The following TTC23 variants were observed in gnomAD, a reference collection of about 807,000 sequenced individuals.
TTC23 encodes the protein tetratricopeptide repeat domain 23, also known as tetratricopeptide repeat protein 23.
Under a neutral mutation model 55.1 loss-of-function variants are expected in TTC23, and 58 were observed. The observed-to-expected ratio is 1.05, with a 90% CI of 0.85 to 1.31. TTC23 has a LOEUF of 1.31. Among genes scored for constraint, TTC23 ranks in the 50% most tolerant of loss-of-function variants. TTC23 has a pLI of 0.00. For synonymous variants in TTC23, 203 were observed against 199.9 expected, an observed-to-expected ratio of 1.02 and a Z score of -0.13; for missense variants, 516 against 534.4, an observed-to-expected ratio of 0.97 and a Z score of 0.34.
chr15:99,138,243 G>A, intron 13 of TTC23, 116 bp from the exon 14 acceptor site: 2 of 1,269,424 alleles, frequency 1.6e-6, no homozygotes, highest in Non-Finnish European at 2.2e-6. Context: ...GACTTGGTAG[G>A]GGCTATAAAT....
At chr15:99,225,870 C>T (rs540652703) in intron 5 of TTC23, among the ~76,000 whole-genome samples, 3 of 152,182 alleles carry the variant, frequency 2.0e-5, no homozygotes, top group African/African-American at 7.2e-5. Flanking sequence ...AGCACCTTAA[C>T]CAAGTGTTCA....
At chr15:99,150,202 T>C (rs2069514581) in intron 12 of TTC23, among the ~76,000 whole-genome samples, 1 of 152,216 alleles carries the variant, frequency 6.6e-6, no homozygotes, top group Non-Finnish European at 1.5e-5. Context: ...ACTCAGTTCA[T>C]CTCATTCGAT....
chr15:99,216,286 G>A (rs2077469047), intron 8 of TTC23, among the ~76,000 whole-genome samples: 1 of 152,134 alleles, frequency 6.6e-6, no homozygotes. Flanking sequence ...ATGGAGTAGA[G>A]TTAAAGTAGG....
chr15:99,221,641 A>C, intron 6 of TTC23, 100 bp downstream of exon 6: 1 of 1,451,184 alleles, frequency 6.9e-7, no homozygotes, highest in Non-Finnish European at 9.4e-7. Context: ...AGAAAGGAGA[A>C]TATTAAAAAA....
intron 9 of TTC23, among the ~76,000 whole-genome samples, chr15:99,191,795 G>A (rs2075272451): frequency 6.6e-6 from 1 of 152,208 alleles, no homozygotes; most frequent in Admixed American, 6.5e-5. Context: ...CTTTGGAACT[G>A]GGTAACAGGC....
intron 10 of TTC23, among the ~76,000 whole-genome samples, chr15:99,162,543 T>C (rs1480777267): frequency 6.6e-6 from 1 of 152,102 alleles, no homozygotes; most frequent in Non-Finnish European, 1.5e-5. Flanking sequence ...AAAAGGTCCA[T>C]CTACTAGTAC....
rs556512493 is a variant in TTC23 at position 99,143,610 on chromosome 15, C to T, written c.1144-4211G>A. On this transcript the variant is annotated intron_variant, in intron 12 of 13. Coordinates refer to ENST00000394132, the MANE Select transcript of TTC23 (RefSeq NM_001288615.3). Reference sequence around the variant, plus strand: ...ACAATAAACTGAACTCCGGAGTGTCCAGATGAATTTTAGGAGCCATTCATT... The same window carrying T: ...ACAATAAACTGAACTCCGGAGTGTCTAGATGAATTTTAGGAGCCATTCATT... Among the ~76,000 whole-genome samples the T allele has an allele frequency of 9.2e-5, 14 of 152,346 alleles. No homozygotes were observed. In the South Asian group the frequency reaches 1.2e-3, roughly 14 times the overall value.
chr15:99,146,654 A>G (rs1194559259), intron 12 of TTC23, among the ~76,000 whole-genome samples: 3 of 152,244 alleles, frequency 2.0e-5, no homozygotes, highest in Non-Finnish European at 4.4e-5. Flanking sequence ...TCACTAAGCC[A>G]TGGTCAGAGT....
At chr15:99,139,535 G>A (rs1555489148) in intron 12 of TTC23, 136 bp from the exon 13 acceptor site, 1 of 1,549,360 alleles carries the variant, frequency 6.5e-7, no homozygotes, top group African/African-American at 1.4e-5. Context: ...CTCCTGGGAT[G>A]TCTCCTAGTG....
intron 12 of TTC23, among the ~76,000 whole-genome samples, chr15:99,153,920 G>A (rs1053870690): frequency 6.6e-6 from 1 of 152,130 alleles, no homozygotes; most frequent in Non-Finnish European, 1.5e-5. Flanking sequence ...TTAAAAAGTA[G>A]AAAGATTTAA....
chr15:99,213,548 G>T (rs2077211808), intron 8 of TTC23, among the ~76,000 whole-genome samples: 1 of 152,214 alleles, frequency 6.6e-6, no homozygotes, highest in South Asian at 2.1e-4. Flanking sequence ...TCTGAATTGT[G>T]TATTTCCTAT....
chr15:99,154,467 TG>T (rs1555498324), intron 12 of TTC23, among the ~76,000 whole-genome samples: 1 of 151,866 alleles, frequency 6.6e-6, no homozygotes. Flanking sequence ...ATCTTGGGAG[TG>T]GTTTGGTTAT....
chr15:99,227,385 G>C (rs1266299221), intron 5 of TTC23, among the ~76,000 whole-genome samples: 1 of 152,162 alleles, frequency 6.6e-6, no homozygotes, highest in Non-Finnish European at 1.5e-5. Context: ...AAAGAGCTCA[G>C]CATTTCTATT....
chr15:99,214,260 C>A (rs1033379021), intron 8 of TTC23, among the ~76,000 whole-genome samples: 1 of 152,016 alleles, frequency 6.6e-6, no homozygotes, highest in Non-Finnish European at 1.5e-5. Flanking sequence ...GTAATCCCAG[C>A]ACTTTGGGAG....
In TTC23 at chr15:99,208,111, C is replaced by G. The variant is rs886959779; in HGVS notation, c.582-8015G>C. On this transcript the variant is annotated intron_variant, in intron 8 of 13. Coordinates refer to ENST00000394132, the MANE Select transcript of TTC23 (RefSeq NM_001288615.3). ...AAATTAGAGGAAAGTCAGACAATTA[C>G]ACACCATATGGAGGTCTAAAATGAA... 2.0e-5 allele frequency among the ~76,000 whole-genome samples: 3 copies of G among 152,132 alleles called. No individual in the cohort carries two copies. In the South Asian group the frequency reaches 6.2e-4, roughly 32 times the overall value.
intron 8 of TTC23, among the ~76,000 whole-genome samples, chr15:99,204,940 T>C (rs1596647565): frequency 6.6e-6 from 1 of 152,114 alleles, no homozygotes; most frequent in East Asian, 1.9e-4. Flanking sequence ...CTGGCCAGAT[T>C]TAAGTCTTTA....
intron 8 of TTC23, among the ~76,000 whole-genome samples, chr15:99,216,459 G>A (rs909829597): frequency 5.9e-5 from 9 of 151,554 alleles, no homozygotes; most frequent in East Asian, 5.8e-4. Context: ...ATTAATAAGC[G>A]GGCAATAGAT....
At chr15:99,197,130 T>A (rs1371729652) in intron 9 of TTC23, among the ~76,000 whole-genome samples, 1 of 147,906 alleles carries the variant, frequency 6.8e-6, no homozygotes, top group East Asian at 2.0e-4. Flanking sequence ...TGAGACGGAG[T>A]CACGCTCCAA....
intron 9 of TTC23, among the ~76,000 whole-genome samples, chr15:99,198,896 CA>C (rs2075967261): frequency 6.6e-6 from 1 of 152,154 alleles, no homozygotes; most frequent in South Asian, 2.1e-4. Flanking sequence ...ACAACTTTTA[CA>C]GGAAAAAATT....
Sources: gnomAD v4.1 joint callset for allele counts (sites outside exome capture counted in the v4.1 genomes callset) on GRCh38, gnomAD v4.1.1 for gene constraint, MANE v1.5 for transcripts, NCBI Gene and HGNC (gene_info 2026-07-23, HGNC 2026-07-21) for gene names.